ADGRL3: variants seen among roughly 807,000 people sequenced by gnomAD.
ADGRL3 encodes calcium-independent alpha-latrotoxin receptor 3.
Under a neutral mutation model 153.5 loss-of-function variants are expected in ADGRL3, and 62 were observed. The observed-to-expected ratio is 0.40, with a 90% confidence interval of 0.33 to 0.50. The LOEUF (loss-of-function observed/expected upper bound fraction) is 0.50. ADGRL3 is among the 20% of genes least tolerant of loss of function. The probability of loss-of-function intolerance (pLI) is 0.47; values close to 1 mark genes in which losing one functional copy is unlikely to be tolerated. For missense variants in ADGRL3, 1,641 were observed against 1,859.4 expected (o/e 0.88, Z 2.16); for synonymous variants, 710 against 672.5 (o/e 1.06, Z -0.86).
chr4:61,705,394 A>G (rs2095839806), intron 6 of ADGRL3, among the ~76,000 whole-genome samples: 2 of 149,946 alleles, frequency 1.3e-5, no homozygotes, highest in African/African-American at 4.9e-5. Flanking sequence ...CAAGTGATAC[A>G]TATTATTTAT....
At chr4:61,675,737 G>A (rs187961515) in intron 5 of ADGRL3, among the ~76,000 whole-genome samples, 3 of 151,298 alleles carry the variant, frequency 2.0e-5, no homozygotes, top group East Asian at 2.0e-4. Flanking sequence ...AAAGGCATGC[G>A]ATGTGTAATA....
At position 61,381,161 on chromosome 4, in the gene ADGRL3, C is replaced by T. The variant is rs189334574; in HGVS notation, c.-239-1963C>T. 6.4e-4 allele frequency among the ~76,000 whole-genome samples: 97 copies of T among 151,992 alleles called. 2 individuals are homozygous for T. The highest frequency in any genetic ancestry group is 2.3e-3 in the African/African-American group (96 of 41,476). The stretch of plus-strand genomic sequence containing the variant: ...AAGTGTAAATGGAAGACTCTCTGTC[C>T]TTACCTATAAAAAGAAAAAGAATCT... On this transcript the variant is annotated intron_variant, in intron 1 of 26. Transcript: ENST00000683033.
At chr4:61,368,598 T>C (rs1224315577) in intron 1 of ADGRL3, among the ~76,000 whole-genome samples, 2 of 151,840 alleles carry the variant, frequency 1.3e-5, no homozygotes, top group African/African-American at 4.8e-5. Context: ...ATCTCTGTTT[T>C]GGTACCAGTA....
chr4:61,758,090 ATATTC>A (rs1331273944), intron 8 of ADGRL3, among the ~76,000 whole-genome samples: 2 of 152,194 alleles, frequency 1.3e-5, no homozygotes, highest in African/African-American at 4.8e-5. Context: ...AGAAGAATGT[ATATTC>A]TATTGATTTG....
chr4:61,994,145 G>A (rs141176747), intron 19 of ADGRL3, among the ~76,000 whole-genome samples: 356 of 152,024 alleles, frequency 2.3e-3, no homozygotes, highest in African/African-American at 8.1e-3. Context: ...TTCGTTTTTC[G>A]TTTTTGTTTT....
At chr4:61,883,759 A>AT (rs766474083) in intron 9 of ADGRL3, among the ~76,000 whole-genome samples, 57 of 150,690 alleles carry the variant, frequency 3.8e-4, no homozygotes, top group East Asian at 3.5e-3. Context: ...AAATTGACAG[A>AT]TTTTTTTTTT....
intron 17 of ADGRL3, among the ~76,000 whole-genome samples, chr4:61,966,354 A>G (rs1040630614): frequency 6.6e-6 from 1 of 152,050 alleles, no homozygotes; most frequent in Non-Finnish European, 1.5e-5. Flanking sequence ...TTTAATTCTA[A>G]TTCTGTTCCT....
At chr4:61,758,503 C>G (rs1376215763) in intron 8 of ADGRL3, among the ~76,000 whole-genome samples, 1 of 151,982 alleles carries the variant, frequency 6.6e-6, no homozygotes, top group African/African-American at 2.4e-5. Context: ...GATTGCAACC[C>G]CTGCCTTTTT....
intron 25 of ADGRL3, among the ~76,000 whole-genome samples, chr4:62,060,197 T>C (rs1014382545): frequency 1.3e-5 from 2 of 152,016 alleles, no homozygotes; most frequent in African/African-American, 4.8e-5. Flanking sequence ...TTTTTCAAAT[T>C]ATCTTCTTTT....
intron 8 of ADGRL3, among the ~76,000 whole-genome samples, chr4:61,749,340 C>T (rs1288724547): frequency 6.6e-5 from 10 of 152,082 alleles, no homozygotes; most frequent in African/African-American, 2.4e-4. Context: ...TACCAATTGA[C>T]CCAGGCATCC....
chr4:61,744,255 T>G (rs2096623000), intron 8 of ADGRL3, among the ~76,000 whole-genome samples: 1 of 152,198 alleles, frequency 6.6e-6, no homozygotes, highest in African/African-American at 2.4e-5. Context: ...GAGGCCTGCC[T>G]GCCTCTGTAG....
At chr4:61,700,450 A>G (rs1361333995) in intron 6 of ADGRL3, among the ~76,000 whole-genome samples, 1 of 152,174 alleles carries the variant, frequency 6.6e-6, no homozygotes, top group Non-Finnish European at 1.5e-5. Flanking sequence ...GGTTTTATAG[A>G]ATAATATAGC....
At position 61,978,663 on chromosome 4, in the gene ADGRL3, A is replaced by G. The variant is rs549784447; in HGVS notation, c.2806-900A>G. On this transcript the variant is annotated intron_variant, in intron 17 of 26. Transcript: ENST00000683033. ...CTTAAGGTGGAAATAAGAGTTCTGA[A>G]TCTTAGAACAAGGACAGAAATGAAG... is the stretch of plus-strand genomic sequence containing the variant. Among the ~76,000 whole-genome samples the G allele has an allele frequency of 2.8e-4, 42 of 152,108 alleles. No homozygotes were observed. In the East Asian group the frequency reaches 8.2e-3, roughly 30 times the overall value.
chr4:61,525,674 A>G (rs1454104782), intron 4 of ADGRL3, among the ~76,000 whole-genome samples: 1 of 152,092 alleles, frequency 6.6e-6, no homozygotes, highest in Admixed American at 6.6e-5. Flanking sequence ...ATGGGGATGG[A>G]AAGAAGAGGA....
At chr4:61,577,398 AAGT>A (rs2098893793) in intron 4 of ADGRL3, among the ~76,000 whole-genome samples, 1 of 152,050 alleles carries the variant, frequency 6.6e-6, no homozygotes, top group African/African-American at 2.4e-5. Context: ...ATTCTTCACT[AAGT>A]TTCTTCTGTT....
intron 1 of ADGRL3, among the ~76,000 whole-genome samples, chr4:61,288,936 A>G (rs950567168): frequency 6.6e-6 from 1 of 152,032 alleles, no homozygotes. Flanking sequence ...TTCCTCAACC[A>G]GGGCACTAAT....
intron 1 of ADGRL3, among the ~76,000 whole-genome samples, chr4:61,319,565 T>A (rs2095310586): frequency 6.6e-6 from 1 of 152,172 alleles, no homozygotes; most frequent in Non-Finnish European, 1.5e-5. Flanking sequence ...GCAAAGCCTA[T>A]TTAAAATCAA....
intron 1 of ADGRL3, among the ~76,000 whole-genome samples, chr4:61,244,851 C>T (rs571149612): frequency 6.6e-6 from 1 of 151,462 alleles, no homozygotes; most frequent in Non-Finnish European, 1.5e-5. Context: ...TTCCATCTTT[C>T]TGCTTTTCTA....
intron 2 of ADGRL3, among the ~76,000 whole-genome samples, chr4:61,459,218 C>T (rs913406520): frequency 1.9e-4 from 29 of 151,630 alleles, no homozygotes; most frequent in Admixed American, 2.0e-4. Context: ...TCATGATATT[C>T]GATTCATTTT....
Sources: gnomAD v4.1 joint callset for allele counts (sites outside exome capture counted in the v4.1 genomes callset) on GRCh38, gnomAD v4.1.1 for gene constraint, MANE v1.5 for transcripts, NCBI Gene and HGNC (gene_info 2026-07-23, HGNC 2026-07-21) for gene names.